NCAM2: variants seen among roughly 807,000 people sequenced by gnomAD.
NCAM2 encodes the protein N-CAM-2.
A neutral mutation model predicts 98.1 loss-of-function variants in NCAM2; 30 were observed. That is an observed-to-expected ratio of 0.31 (90% CI 0.23 to 0.41). The LOEUF (loss-of-function observed/expected upper bound fraction) is 0.41, where lower values mean the gene tolerates loss of function less well. Ranked by LOEUF, NCAM2 falls within the 10% of genes least tolerant of loss-of-function variation. The pLI is 1.00. For synonymous variants in NCAM2, 368 were observed against 342.4 expected (o/e 1.07, Z -0.83); for missense variants, 867 against 1,005.8 (o/e 0.86, Z 1.87).
intron 15 of NCAM2, among the ~76,000 whole-genome samples, chr21:21,504,949 C>A (rs574022461): frequency 6.6e-6 from 1 of 151,842 alleles, no homozygotes; most frequent in Non-Finnish European, 1.5e-5. Context: ...TCCAATTATA[C>A]TTTTAGTTAT....
At chr21:21,128,522 A>G (rs2066873296) in intron 1 of NCAM2, among the ~76,000 whole-genome samples, 1 of 152,150 alleles carries the variant, frequency 6.6e-6, no homozygotes, top group African/African-American at 2.4e-5. Context: ...AAAAAGAGCA[A>G]AAATCATAAT....
At chr21:21,255,316 C>G (rs1392732949) in intron 1 of NCAM2, among the ~76,000 whole-genome samples, 3 of 152,172 alleles carry the variant, frequency 2.0e-5, no homozygotes, top group Non-Finnish European at 4.4e-5. Context: ...AAATGTGCTT[C>G]TCATGTTGCA....
intron 5 of NCAM2, among the ~76,000 whole-genome samples, chr21:21,298,165 T>C (rs2073561401): frequency 6.6e-6 from 1 of 151,764 alleles, no homozygotes; most frequent in African/African-American, 2.4e-5. Flanking sequence ...CTTTTCTATT[T>C]ATAAAAAATG....
chr21:21,510,533 A>G (rs1270843972), intron 16 of NCAM2, among the ~76,000 whole-genome samples: 2 of 152,028 alleles, frequency 1.3e-5, no homozygotes, highest in Admixed American at 1.3e-4. Flanking sequence ...TTTATTGTTG[A>G]ATCATTTATA....
intron 9 of NCAM2, among the ~76,000 whole-genome samples, chr21:21,403,387 T>G (rs1343538465): frequency 6.6e-6 from 1 of 152,144 alleles, no homozygotes; most frequent in African/African-American, 2.4e-5. Context: ...AAACAGTAAT[T>G]TGCATGAAAT....
chr21:21,423,140 C>T (rs2077145498), intron 11 of NCAM2, among the ~76,000 whole-genome samples: 1 of 152,104 alleles, frequency 6.6e-6, no homozygotes, highest in Admixed American at 6.6e-5. Flanking sequence ...AAAATAATCA[C>T]ACCTTTGTTT....
At chr21:21,266,921 G>C (rs1378677396) in intron 1 of NCAM2, among the ~76,000 whole-genome samples, 1 of 152,088 alleles carries the variant, frequency 6.6e-6, no homozygotes, top group Non-Finnish European at 1.5e-5. Flanking sequence ...CACACAGAGA[G>C]ACATATGCAG....
chr21:21,113,105 C>G (rs533655112), intron 1 of NCAM2, among the ~76,000 whole-genome samples: 3 of 140,178 alleles, frequency 2.1e-5, no homozygotes, highest in African/African-American at 8.2e-5. Context: ...CAATATCCAC[C>G]AGATTCATGG....
At chr21:21,047,604 G>C (rs558120074) in intron 1 of NCAM2, among the ~76,000 whole-genome samples, 2 of 152,270 alleles carry the variant, frequency 1.3e-5, no homozygotes, top group East Asian at 3.9e-4. Flanking sequence ...TTCTACAACT[G>C]TAGGGATAAA....
intron 12 of NCAM2, among the ~76,000 whole-genome samples, chr21:21,433,134 C>A (rs1301604950): frequency 6.6e-6 from 1 of 152,170 alleles, no homozygotes; most frequent in Non-Finnish European, 1.5e-5. Flanking sequence ...GTTGACCCTA[C>A]TTTATCAGTT....
rs567537128 is a variant in NCAM2, at chr21:21,175,034, CA to C, written c.56-105543del. On this transcript the variant is annotated intron_variant, in intron 1 of 17. Transcript: ENST00000400546. ...AAAAATTATATAGATCCTTGCAAGT[CA>C]CAGTAATAAAGTTTTTTTTTCTTTA... Among the ~76,000 whole-genome samples, 115 of 151,956 alleles carry C rather than the reference CA, an allele frequency of 7.6e-4. No individual in the cohort carries two copies. The South Asian group carries it at 0.022, about 30-fold the overall frequency.
At chr21:21,468,827 A>T in intron 14 of NCAM2, 44 bp downstream of exon 14, 1 of 1,550,988 alleles carries the variant, frequency 6.4e-7, no homozygotes, top group Middle Eastern at 1.7e-4. Flanking sequence ...GTTTTTTCAA[A>T]TTAAATTGAG....
rs1326513364 is a variant in NCAM2 at position 21,539,184 on chromosome 21, C to A, written c.*1227C>A. On this transcript the variant is annotated 3_prime_UTR_variant, in exon 18 of 18. Coordinates refer to ENST00000400546, the MANE Select transcript of NCAM2 (RefSeq NM_004540.5). ...CTAATATCTTTTGTTAGGGTTATAC[C>A]AGAATAAAATGCTTCTTTACTTCCA... 1.3e-5 allele frequency: 2 copies of A among 152,004 alleles called. No homozygotes were observed. Among genetic ancestry groups the A allele is most frequent in the African/African-American group, 4.8e-5 (2 of 41,398 alleles). 9.4% of individuals were successfully genotyped at this position (152,004 alleles called of 1,614,324 possible). A position where few individuals can be genotyped will look rare whatever the true frequency, so the allele number is the denominator to read the frequency against.
chr21:21,049,732 A>T (rs2065068982), intron 1 of NCAM2, among the ~76,000 whole-genome samples: 1 of 152,074 alleles, frequency 6.6e-6, no homozygotes, highest in South Asian at 2.1e-4. Context: ...TTAGCCAGTC[A>T]TGGTGATGCA....
intron 16 of NCAM2, among the ~76,000 whole-genome samples, chr21:21,514,321 C>T (rs893930397): frequency 6.6e-6 from 1 of 151,226 alleles, no homozygotes; most frequent in Non-Finnish European, 1.5e-5. Flanking sequence ...ACTAAAAATA[C>T]AAACATTAGC....
chr21:21,365,340 A>G (rs974281982), intron 8 of NCAM2, among the ~76,000 whole-genome samples: 1 of 151,670 alleles, frequency 6.6e-6, no homozygotes, highest in Non-Finnish European at 1.5e-5. Flanking sequence ...TGTGTGGCCA[A>G]AATAGCCCTA....
intron 1 of NCAM2, among the ~76,000 whole-genome samples, chr21:21,152,041 C>T (rs540636138): frequency 1.3e-5 from 2 of 151,962 alleles, no homozygotes; most frequent in East Asian, 1.9e-4. Context: ...TATATTTCTT[C>T]AGTCATTTTA....
chr21:21,434,523 A>C (rs185705345), intron 12 of NCAM2, among the ~76,000 whole-genome samples: 3 of 152,178 alleles, frequency 2.0e-5, no homozygotes, highest in Admixed American at 2.0e-4. Flanking sequence ...CAGTTATGTA[A>C]TCAAACCACT....
At chr21:21,460,194 T>C (rs1982764617) in intron 12 of NCAM2, among the ~76,000 whole-genome samples, 1 of 151,974 alleles carries the variant, frequency 6.6e-6, no homozygotes, top group Non-Finnish European at 1.5e-5. Flanking sequence ...TAATACATTT[T>C]CCTTATAATT....
Sources: allele counts gnomAD v4.1 joint callset (sites outside exome capture counted in the v4.1 genomes callset), GRCh38; gene constraint gnomAD v4.1.1; transcripts MANE v1.5; gene names NCBI Gene and HGNC (gene_info 2026-07-23, HGNC 2026-07-21).